The following BEND4 variants were observed in gnomAD, a reference collection of about 807,000 sequenced individuals.
BEND4 encodes BEN domain containing 4, also known as BEN domain-containing protein 4.
BEND4 carries 27 observed loss-of-function variants against 54.7 expected under a neutral mutation model. That is an observed-to-expected ratio of 0.49 (90% confidence interval 0.36 to 0.68). The LOEUF is 0.68. BEND4 is among the 30% of genes least tolerant of loss of function. BEND4 has a pLI of 0.00. For missense variants in BEND4, 702 were observed against 697.2 expected (o/e 1.01, Z -0.08); for synonymous variants, 327 against 299.5 (o/e 1.09, Z -0.95).
intron 3 of BEND4, among the ~76,000 whole-genome samples, chr4:42,135,222 C>T (rs28532563): frequency 0.12 from 18,624 of 152,084 alleles, 1,195 homozygotes; most frequent in Middle Eastern, 0.17. Context: ...CCCAGAAGAA[C>T]GGAGGCTGAT....
chr4:42,132,303 C>G (rs1007748485), intron 3 of BEND4, among the ~76,000 whole-genome samples: 1 of 152,196 alleles, frequency 6.6e-6, no homozygotes, highest in Non-Finnish European at 1.5e-5. Context: ...ACACCACTCC[C>G]TTGGCCCCCA....
chr4:42,144,900 C>T (rs1721024293), intron 2 of BEND4, among the ~76,000 whole-genome samples: 2 of 152,160 alleles, frequency 1.3e-5, no homozygotes, highest in Admixed American at 6.5e-5. Context: ...ATAAATGTCA[C>T]AGGGTAGATT....
rs1444472159 is a variant in BEND4 at position 42,143,996 on chromosome 4, T to TGA, written c.488-4_488-3dup. On this transcript the variant is annotated splice_polypyrimidine_tract_variant and splice_region_variant and intron_variant, in intron 2 of 5. Coordinates refer to ENST00000502486, the MANE Select transcript of BEND4 (RefSeq NM_207406.4). ...AGGCATCCAAGATCATTCGACTCTC[T>TGA]GAAACAAATGAAAGGACACATCAGT... The TGA allele has an allele frequency of 1.3e-6, 2 of 1,577,064 alleles. No individual in the cohort carries two copies. Among genetic ancestry groups the TGA allele is most frequent in the African/African-American group, 2.7e-5 (2 of 73,762 alleles).
At position 42,143,779 on chromosome 4, in the gene BEND4, A is replaced by G. The variant is rs1399484049; in HGVS notation, c.703T>C (p.Tyr235His). 6.2e-7 allele frequency: 1 copy of G among 1,612,932 alleles called. No individual in the cohort carries two copies. Among genetic ancestry groups the G allele is most frequent in the African/African-American group, 1.3e-5 (1 of 75,042 alleles). Reference sequence around the variant, plus strand: ...GAAGTTTGTTGTTTCCTTTGCATATACTGCATCTCTATGTCTACATTGTCT... The same window carrying G: ...GAAGTTTGTTGTTTCCTTTGCATATGCTGCATCTCTATGTCTACATTGTCT... ...TSDNVDIEMQ[Y>H]MQRKQQTSAF... is the part of the protein sequence containing the mutation. The change falls in exon 3 of 6, where the codon TAT (tyrosine) becomes CAT (histidine). Residue 235 changes from tyrosine to histidine, a missense_variant. By Grantham distance (83) the Tyr-to-His change is moderately conservative. Coordinates refer to ENST00000502486, the MANE Select transcript of BEND4 (RefSeq NM_207406.4).
At chr4:42,142,029 G>C (rs1349783922) in intron 3 of BEND4, among the ~76,000 whole-genome samples, 1 of 151,256 alleles carries the variant, frequency 6.6e-6, no homozygotes, top group Non-Finnish European at 1.5e-5. Flanking sequence ...TCAGCCTCCC[G>C]AGTAGCTGGG....
At chr4:42,148,951 G>GA (rs1721166994) in intron 2 of BEND4, among the ~76,000 whole-genome samples, 1 of 152,006 alleles carries the variant, frequency 6.6e-6, no homozygotes, top group African/African-American at 2.4e-5. Context: ...TAAAAATGTT[G>GA]AAAAAATCTA....
chr4:42,124,708 T>C (rs917435656), intron 4 of BEND4, among the ~76,000 whole-genome samples: 3 of 152,116 alleles, frequency 2.0e-5, no homozygotes, highest in Admixed American at 2.0e-4. Context: ...AGATAACGAA[T>C]ATAGACCAGC....
At chr4:42,133,026 T>C (rs1343860439) in intron 3 of BEND4, among the ~76,000 whole-genome samples, 1 of 152,190 alleles carries the variant, frequency 6.6e-6, no homozygotes, top group Non-Finnish European at 1.5e-5. Flanking sequence ...TGTATAATCC[T>C]GGAAACAGTA....
At chr4:42,130,479 C>CAAA (rs55989085) in intron 3 of BEND4, among the ~76,000 whole-genome samples, 5,089 of 64,606 alleles carry the variant, frequency 0.079, 254 homozygotes, top group African/African-American at 0.12. Context: ...GAGTCCGTCT[C>CAAA]AAAAAAAAAA....
At chr4:42,141,697 C>T (rs1264433351) in intron 3 of BEND4, among the ~76,000 whole-genome samples, 4 of 152,080 alleles carry the variant, frequency 2.6e-5, no homozygotes, top group Non-Finnish European at 4.4e-5. Context: ...GCCAAGACGG[C>T]ACCACTGCAC....
intron 3 of BEND4, among the ~76,000 whole-genome samples, chr4:42,142,005 G>GCC (rs1720902633): frequency 1.3e-5 from 2 of 151,652 alleles, no homozygotes; most frequent in Non-Finnish European, 2.9e-5. Context: ...CTGGGTTCAC[G>GCC]TCATTCTCCT....
intron 3 of BEND4, among the ~76,000 whole-genome samples, chr4:42,135,647 C>T (rs112448425): frequency 0.028 from 4,196 of 152,024 alleles, 92 homozygotes; most frequent in Non-Finnish European, 0.04. Context: ...TGGTGAGGGG[C>T]GCCTGTACCC....
intron 3 of BEND4, among the ~76,000 whole-genome samples, chr4:42,126,528 T>C (rs1226952141): frequency 6.6e-6 from 1 of 152,248 alleles, no homozygotes; most frequent in African/African-American, 2.4e-5. Context: ...CCTTTGGTTA[T>C]ACATTTTACT....
chr4:42,151,448 T>G (rs544860300), intron 2 of BEND4: 3 of 388,746 alleles, frequency 7.7e-6, no homozygotes, highest in South Asian at 1.6e-4. Flanking sequence ...GAGCCACCTG[T>G]TAGGCGCGCG....
chr4:42,115,744 C>G lies in BEND4; in HGVS notation c.*1774G>C, dbSNP rs1037482876. ...TCCTTGGAGAGCCAAAGAGACTGGT[C>G]TCATGGCTGCCGTAAGAACATGGCA... On this transcript the variant is annotated 3_prime_UTR_variant, in exon 6 of 6. Transcript: ENST00000502486. 7.2e-5 allele frequency: 11 copies of G among 152,186 alleles called. No individual in the cohort carries two copies. Among genetic ancestry groups the G allele is most frequent in the African/African-American group, 2.7e-4 (11 of 41,446 alleles). The allele number at this position is 152,186 out of a possible 1,614,324, so 9.4% of individuals were successfully genotyped here.
intron 2 of BEND4, 65 bp from the exon 3 acceptor site, chr4:42,144,059 A>G: frequency 8.9e-7 from 1 of 1,129,308 alleles, no homozygotes; most frequent in South Asian, 1.3e-5. Flanking sequence ...TAAAGTCCTC[A>G]ATTTTCAGCT....
Position 42,152,095 on chromosome 4 carries a change from T to C in BEND4, c.49A>G (p.Ile17Val), listed in dbSNP as rs1721322866. The change falls in exon 2 of 6, where the codon ATC becomes GTC. Residue 17 changes from isoleucine to valine, a missense_variant. Ile to Val is a conservative substitution (Grantham distance 29). Coordinates refer to ENST00000502486, the MANE Select transcript of BEND4 (RefSeq NM_207406.4). The stretch of plus-strand genomic sequence containing the variant: ...CTGTAGGGGCTGCGCTGCTTGTAGA[T>C]TTTGGGGACGCTGGGCCCCTCCTCT... ...PAEEGPSVPK[I>V]YKQRSPYSVL... The C allele has an allele frequency of 2.4e-6, 3 of 1,248,080 alleles. No homozygotes were observed. Among genetic ancestry groups the C allele is most frequent in the Middle Eastern group, 2.2e-4 (1 of 4,558 alleles). 77.3% of individuals were successfully genotyped at this position (1,248,080 alleles called of 1,614,324 possible).
At position 42,117,606 on chromosome 4, in the gene BEND4, T is replaced by C; in HGVS notation, c.1517A>G (p.Asn506Ser). 1 of 1,613,348 alleles carries C rather than the reference T, an allele frequency of 6.2e-7. No individual in the cohort carries two copies. Among genetic ancestry groups the C allele is most frequent in the African/African-American group, 1.3e-5 (1 of 75,050 alleles). Residue 506 changes from asparagine to serine, a missense_variant, in exon 6 of 6, where the codon AAC (asparagine) becomes AGC (serine). Physicochemically the swap from Asn to Ser is conservative, Grantham distance 46. Coordinates refer to ENST00000502486, the MANE Select transcript of BEND4 (RefSeq NM_207406.4). ...GATCCCTTCATAAAATGAGCCACCG[T>C]TGTGCAGGAAAGTCCCCACCGCCCG... ...QGRAVGTFLHNGGSFYEGIDH... is the reference protein window; with the variant it reads ...QGRAVGTFLHSGGSFYEGIDH...
In BEND4 at chr4:42,143,720, T is replaced by C. The variant is rs1720973829; in HGVS notation, c.762A>G (p.Gln254=). Residue 254 remains glutamine (Q), a synonymous_variant, in exon 3 of 6, where the codon CAA becomes CAG. Transcript: ENST00000502486. ...AFLRVFTDSL[Q]NYLLSGSFPT... is the part of the protein sequence containing the mutation. ...GAAAGCTTCCCGAGAGCAGGTAATT[T>C]TGTAGAGAGTCAGTGAAAACCCTCA... is the stretch of plus-strand genomic sequence containing the variant. 6.2e-7 allele frequency: 1 copy of C among 1,613,916 alleles called. No homozygotes were observed. The highest frequency in any genetic ancestry group is 1.3e-5 in the African/African-American group (1 of 74,934).
Sources: allele counts gnomAD v4.1 joint callset (sites outside exome capture counted in the v4.1 genomes callset), GRCh38; gene constraint gnomAD v4.1.1; transcripts MANE v1.5; gene names NCBI Gene and HGNC (gene_info 2026-07-23, HGNC 2026-07-21).